Variants in CLOCK observed in about 807,000 individuals in gnomAD.
The protein encoded by CLOCK is clock circadian regulator, also known as circadian locomoter output cycles protein kaput.
A neutral mutation model predicts 118.4 loss-of-function variants in CLOCK; 43 were observed. The observed-to-expected ratio is 0.36, with a 90% CI of 0.28 to 0.47. The LOEUF is 0.47. Ranked by LOEUF, CLOCK falls within the 20% of genes least tolerant of loss-of-function variation. CLOCK has a pLI of 1.00. For synonymous variants in CLOCK, 326 were observed against 339.2 expected (o/e 0.96, Z 0.43); for missense variants, 846 against 999.9 (o/e 0.85, Z 2.08).
intron 5 of CLOCK, 91 bp downstream of exon 5, chr4:55,479,549 A>T: frequency 9.4e-7 from 1 of 1,060,302 alleles, no homozygotes; most frequent in Non-Finnish European, 1.4e-6. Context: ...TAAAGCACAT[A>T]GCTTTTGGAA....
At chr4:55,479,326 A>G (rs961065008) in intron 5 of CLOCK, among the ~76,000 whole-genome samples, 2 of 152,148 alleles carry the variant, frequency 1.3e-5, no homozygotes, top group Non-Finnish European at 2.9e-5. Context: ...TGAAGCAGTA[A>G]CCAGTAAACA....
At chr4:55,450,375 A>G (rs1250778777) in intron 15 of CLOCK, 143 bp from the exon 16 acceptor site, 2 of 890,362 alleles carry the variant, frequency 2.2e-6, no homozygotes, top group Admixed American at 2.2e-5. Context: ...CATGTAAAGA[A>G]ATGAAAATTT....
At position 55,448,875 on chromosome 4, in the gene CLOCK, C is replaced by T. The variant is rs777978337; in HGVS notation, c.1450-7G>A. On this transcript the variant is annotated splice_region_variant and splice_polypyrimidine_tract_variant and intron_variant, in intron 17 of 22. Coordinates refer to ENST00000513440, the MANE Select transcript of CLOCK (RefSeq NM_004898.4). ...CAGACTGGGAATTTATGGACTAGAG[C>T]AAAATAAAAAATAACACTGAAGTGA... 1.2e-6 allele frequency: 2 copies of T among 1,605,912 alleles called. No individual in the cohort carries two copies. Among genetic ancestry groups the T allele is most frequent in the African/African-American group, 2.7e-5 (2 of 74,668 alleles).
chr4:55,522,981 A>G (rs1347008653), intron 1 of CLOCK, among the ~76,000 whole-genome samples: 1 of 152,134 alleles, frequency 6.6e-6, no homozygotes, highest in East Asian at 1.9e-4. Context: ...AGTAACATAT[A>G]ATGTGTATTG....
Position 55,449,575 on chromosome 4 carries a change from G to A in CLOCK, c.1349-79C>T, listed in dbSNP as rs144230426. ...AAGATTAATCTCAAAATGTATTTCA[G>A]TTAATAAAAATGGCTTTTGAATTAT... On this transcript the variant is annotated intron_variant, in intron 16 of 22. Transcript: ENST00000513440. The A allele has an allele frequency of 3.3e-5, 41 of 1,244,764 alleles. No individual in the cohort carries two copies. In the Middle Eastern group the frequency reaches 1.3e-3, roughly 39 times the overall value. The allele number at this position is 1,244,764 out of a possible 1,614,324, so 77.1% of individuals were successfully genotyped here. A position where few individuals can be genotyped will look rare whatever the true frequency, so the allele number is the denominator to read the frequency against.
chr4:55,457,956 C>T (rs2109795802), intron 11 of CLOCK, among the ~76,000 whole-genome samples: 1 of 152,226 alleles, frequency 6.6e-6, no homozygotes, highest in African/African-American at 2.4e-5. Context: ...ATAAAATACA[C>T]AGCATGTAGT....
Position 55,435,422 on chromosome 4 carries a change from G to C in CLOCK, c.2534C>G (p.Pro845Arg). Residue 845 changes from proline (P) to arginine (R), a missense_variant, in exon 23 of 23, where the codon CCA becomes CGA. Pro to Arg is a moderately radical substitution (Grantham distance 103). Around this residue, in one of 4 missense-constraint regions of CLOCK, gnomAD observed 520 missense variants for 558.0 expected, o/e 0.93. Coordinates refer to ENST00000513440, the MANE Select transcript of CLOCK (RefSeq NM_004898.4). ...DSLPDPSKVQPQ is the reference protein window; with the variant it reads ...DSLPDPSKVQRQ ...AGAGAGGAAGCACGTGTGCTACTGT[G>C]GTTGAACCTTGGAAGGGTCGGGCAA... 6.2e-7 allele frequency: 1 copy of C among 1,613,936 alleles called. No individual in the cohort carries two copies. The highest frequency in any genetic ancestry group is 1.1e-5 in the South Asian group (1 of 91,078).
chr4:55,505,158 C>G (rs571839992), intron 2 of CLOCK, among the ~76,000 whole-genome samples: 399 of 98,338 alleles, frequency 4.1e-3, no homozygotes, highest in African/African-American at 5.1e-3. Flanking sequence ...CTCACCCCCC[C>G]ACCAAAAAAA....
At chr4:55,436,008 C>A (rs1193928027) in intron 22 of CLOCK, among the ~76,000 whole-genome samples, 1 of 152,118 alleles carries the variant, frequency 6.6e-6, no homozygotes, top group Non-Finnish European at 1.5e-5. Flanking sequence ...CTGGTTAGAG[C>A]GGCACAGTTA....
chr4:55,521,149 A>T (rs969598268), intron 1 of CLOCK, among the ~76,000 whole-genome samples: 10 of 152,220 alleles, frequency 6.6e-5, no homozygotes, highest in Non-Finnish European at 1.5e-4. Context: ...CTAGAAAAAA[A>T]TTCAATTTTA....
chr4:55,465,006 T>C lies in CLOCK; in HGVS notation c.439-1201A>G, dbSNP rs1034556910. On this transcript the variant is annotated intron_variant, in intron 8 of 22. Transcript: ENST00000513440. Reference sequence around the variant, plus strand: ...CAAAGACCAGTTCAAATTACTTCTTTCAAGAAAGCATTCCCTTAACACCAT... The same window carrying C: ...CAAAGACCAGTTCAAATTACTTCTTCCAAGAAAGCATTCCCTTAACACCAT... Among the ~76,000 whole-genome samples the C allele has an allele frequency of 2.6e-5, 4 of 152,194 alleles. No homozygotes were observed. In the South Asian group the frequency reaches 8.3e-4, roughly 32 times the overall value.
rs549041461 is a variant in CLOCK, at chr4:55,435,310, T to A, written c.*105A>T. The A allele has an allele frequency of 5.4e-5, 72 of 1,331,836 alleles. No homozygotes were observed. The Admixed American group carries it at 1.2e-3, about 23-fold the overall frequency. The allele number at this position is 1,331,836 out of a possible 1,614,324, so 82.5% of individuals were successfully genotyped here. A position where few individuals can be genotyped will look rare whatever the true frequency, so the allele number is the denominator to read the frequency against. ...AGGAACTAGAACACTCAATACTGCA[T>A]CTCATGAAACTGCTGGAACTTTCCC... is the stretch of plus-strand genomic sequence containing the variant. On this transcript the variant is annotated 3_prime_UTR_variant, in exon 23 of 23. Coordinates refer to ENST00000513440, the MANE Select transcript of CLOCK (RefSeq NM_004898.4).
At chr4:55,481,476 T>C (rs1352871742) in intron 4 of CLOCK, among the ~76,000 whole-genome samples, 1 of 152,170 alleles carries the variant, frequency 6.6e-6, no homozygotes, top group Non-Finnish European at 1.5e-5. Flanking sequence ...AGTGAAGAAA[T>C]ATCTTTTCCA....
chr4:55,452,461 C>T (rs1388778739), intron 15 of CLOCK: 2 of 152,650 alleles, frequency 1.3e-5, no homozygotes, highest in Non-Finnish European at 2.9e-5. Context: ...TGATTACAGC[C>T]TCATGAAAGA....
chr4:55,498,654 C>T (rs938508990), intron 2 of CLOCK, among the ~76,000 whole-genome samples: 2 of 151,328 alleles, frequency 1.3e-5, no homozygotes, highest in African/African-American at 4.9e-5. Flanking sequence ...TGATCCTTAC[C>T]CTAAAATGAC....
chr4:55,471,069 C>T (rs1270483608), intron 7 of CLOCK, among the ~76,000 whole-genome samples: 2 of 152,134 alleles, frequency 1.3e-5, no homozygotes, highest in African/African-American at 4.8e-5. Context: ...CTACCTTCAT[C>T]ACTAGGTATA....
chr4:55,509,165 T>C (rs562347189), intron 2 of CLOCK, among the ~76,000 whole-genome samples: 4 of 152,218 alleles, frequency 2.6e-5, no homozygotes, highest in Non-Finnish European at 5.9e-5. Context: ...TACCAGGCAA[T>C]AGCAATTTTT....
chr4:55,459,560 G>A (rs2109803882), intron 9 of CLOCK, among the ~76,000 whole-genome samples: 1 of 152,244 alleles, frequency 6.6e-6, no homozygotes, highest in East Asian at 1.9e-4. Context: ...ACATTCTAAA[G>A]CTAATCCTTC....
At chr4:55,490,805 C>A (rs1018603354) in intron 2 of CLOCK, among the ~76,000 whole-genome samples, 1 of 152,074 alleles carries the variant, frequency 6.6e-6, no homozygotes, top group Admixed American at 6.6e-5. Context: ...GACGTGGAAC[C>A]TTCAGATGCA....
Sources: gnomAD v4.1 joint callset for allele counts (sites outside exome capture counted in the v4.1 genomes callset) on GRCh38, gnomAD v4.1.1 for gene constraint, gnomAD v4.1.1 regional missense constraint, MANE v1.5 for transcripts, NCBI Gene and HGNC (gene_info 2026-07-23, HGNC 2026-07-21) for gene names.